The following SLC35D4 variants were observed in gnomAD, a reference collection of about 807,000 sequenced individuals.
The protein encoded by SLC35D4 is solute carrier family 35 member D4.
At chr18:23,248,872 G>A in the SLC35D4 span, among the ~76,000 whole-genome samples, 2 of 152,328 alleles carry the variant, frequency 1.3e-5, no homozygotes, top group Admixed American at 1.3e-4. Flanking sequence ...TTACTTACTA[G>A]AATCATTGAG....
chr18:23,365,169 G>C, the SLC35D4 span, among the ~76,000 whole-genome samples: 33 of 152,176 alleles, frequency 2.2e-4, no homozygotes, highest in Non-Finnish European at 4.0e-4. Flanking sequence ...GCAGGCCTTG[G>C]GAAACATTAT....
the SLC35D4 span, among the ~76,000 whole-genome samples, chr18:23,274,143 C>A: frequency 6.6e-6 from 1 of 152,182 alleles, no homozygotes; most frequent in Non-Finnish European, 1.5e-5. Flanking sequence ...ACTCTGTTAT[C>A]TATTCTGGTC....
At chr18:23,273,998 T>C in the SLC35D4 span, among the ~76,000 whole-genome samples, 1 of 152,204 alleles carries the variant, frequency 6.6e-6, no homozygotes, top group African/African-American at 2.4e-5. Flanking sequence ...AGTGGCACAA[T>C]CACGGCTCAC....
the SLC35D4 span, chr18:23,399,706 G>C: frequency 7.8e-6 from 12 of 1,537,460 alleles, no homozygotes; most frequent in East Asian, 2.3e-5. Flanking sequence ...GAAAGACCTA[G>C]CTGGAAAGGC....
the SLC35D4 span, chr18:23,352,390 T>G: frequency 2.4e-5 from 21 of 880,212 alleles, no homozygotes; most frequent in Non-Finnish European, 3.5e-5. Context: ...CAAATTATTA[T>G]GCAACCTCTA....
the SLC35D4 span, among the ~76,000 whole-genome samples, chr18:23,270,940 G>C: frequency 6.6e-6 from 1 of 152,182 alleles, no homozygotes; most frequent in Non-Finnish European, 1.5e-5. Flanking sequence ...GAAAACTGTT[G>C]GGAAGGCATG....
At chr18:23,300,200 T>C in the SLC35D4 span, among the ~76,000 whole-genome samples, 2 of 152,146 alleles carry the variant, frequency 1.3e-5, no homozygotes, top group African/African-American at 4.8e-5. Flanking sequence ...GGCGTTCTTT[T>C]TGCACGCAGG....
At chr18:23,260,790 A>C in the SLC35D4 span, among the ~76,000 whole-genome samples, 53 of 152,112 alleles carry the variant, frequency 3.5e-4, no homozygotes, top group African/African-American at 1.3e-3. Flanking sequence ...GCTGAGGGCC[A>C]GCAAGAGCAG....
chr18:23,405,072 T>C, the SLC35D4 span, among the ~76,000 whole-genome samples: 3 of 147,806 alleles, frequency 2.0e-5, no homozygotes, highest in African/African-American at 7.5e-5. Flanking sequence ...AGGATGCAGA[T>C]GGAAGGCACC....
chr18:23,371,161 C>T, the SLC35D4 span, among the ~76,000 whole-genome samples: 2 of 150,208 alleles, frequency 1.3e-5, no homozygotes, highest in African/African-American at 4.9e-5. Context: ...GTGGTGTGAT[C>T]ATGACTCCTG....
At chr18:23,240,624 G>C in the SLC35D4 span, among the ~76,000 whole-genome samples, 1 of 152,226 alleles carries the variant, frequency 6.6e-6, no homozygotes, top group Non-Finnish European at 1.5e-5. Context: ...GAAGGAGCAG[G>C]CTTGTTGGTC....
chr18:23,326,870 A>G, the SLC35D4 span, among the ~76,000 whole-genome samples: 3 of 152,368 alleles, frequency 2.0e-5, no homozygotes, highest in Non-Finnish European at 4.4e-5. Flanking sequence ...CCACAGTGCA[A>G]TCAAATTAGA....
At chr18:23,335,660 C>T in the SLC35D4 span, among the ~76,000 whole-genome samples, 1 of 152,144 alleles carries the variant, frequency 6.6e-6, no homozygotes, top group African/African-American at 2.4e-5. Flanking sequence ...TTCTCTGTTT[C>T]TGACAGGAGT....
chr18:23,386,895 A>G, the SLC35D4 span, among the ~76,000 whole-genome samples: 1 of 151,984 alleles, frequency 6.6e-6, no homozygotes, highest in Non-Finnish European at 1.5e-5. Context: ...GAGGAGAGGA[A>G]TTCTGTTGCC....
chr18:23,328,849 A>G, the SLC35D4 span, among the ~76,000 whole-genome samples: 3 of 152,362 alleles, frequency 2.0e-5, no homozygotes, highest in East Asian at 5.8e-4. Context: ...TACTGGTACC[A>G]AAACAGAGAT....
the SLC35D4 span, chr18:23,399,676 C>CT: frequency 1.9e-6 from 3 of 1,610,374 alleles, no homozygotes; most frequent in East Asian, 6.7e-5. Flanking sequence ...AGCAATAACA[C>CT]TTTTGCCACT....
At chr18:23,251,089 G>A in the SLC35D4 span, among the ~76,000 whole-genome samples, 1 of 152,236 alleles carries the variant, frequency 6.6e-6, no homozygotes, top group Non-Finnish European at 1.5e-5. Context: ...GCGGGCATGA[G>A]TCATCCAGGG....
the SLC35D4 span, among the ~76,000 whole-genome samples, chr18:23,358,492 C>G: frequency 1.3e-5 from 2 of 152,090 alleles, no homozygotes; most frequent in African/African-American, 4.8e-5. Context: ...AACCCCCACC[C>G]AAATCCTGAA....
chr18:23,383,515 G>A, the SLC35D4 span, among the ~76,000 whole-genome samples: 2 of 152,028 alleles, frequency 1.3e-5, no homozygotes, highest in African/African-American at 2.4e-5. Context: ...TCAGGGGAAC[G>A]GCGGGGGCAG....
Sources: gnomAD v4.1 joint callset for allele counts (sites outside exome capture counted in the v4.1 genomes callset) on GRCh38, gnomAD v4.1.1 for gene constraint, MANE v1.5 for transcripts, NCBI Gene and HGNC (gene_info 2026-07-23, HGNC 2026-07-21) for gene names.